The following IFTAP variants were observed in gnomAD, a reference collection of about 807,000 sequenced individuals.
IFTAP encodes the protein intraflagellar transport-associated protein.
Under a neutral mutation model 19.4 loss-of-function variants are expected in IFTAP, and 19 were observed. The observed-to-expected ratio is 0.98, with a 90% CI of 0.68 to 1.44. The LOEUF (loss-of-function observed/expected upper bound fraction) is 1.44. Ranked by LOEUF, IFTAP falls within the 40% of genes most tolerant of loss-of-function variation. IFTAP has a pLI of 0.00. For missense variants in IFTAP, 240 were observed against 253.6 expected, an observed-to-expected ratio of 0.95 and a Z score of 0.36; for synonymous variants, 85 against 83.5, an observed-to-expected ratio of 1.02 and a Z score of -0.10.
intron 4 of IFTAP, 106 bp from the exon 5 acceptor site, chr11:36,647,910 A>G: frequency 7.5e-7 from 1 of 1,327,270 alleles, no homozygotes; most frequent in Non-Finnish European, 1.0e-6. Context: ...GATCTACATT[A>G]CATGAGCATA....
intron 5 of IFTAP, among the ~76,000 whole-genome samples, chr11:36,650,833 G>T (rs1853692160): frequency 6.6e-6 from 1 of 151,866 alleles, no homozygotes; most frequent in South Asian, 2.1e-4. Flanking sequence ...GCGATAGTTT[G>T]CTGAGAATGA....
intron 2 of IFTAP, among the ~76,000 whole-genome samples, chr11:36,621,069 A>G (rs879638096): frequency 2.6e-5 from 4 of 151,966 alleles, no homozygotes; most frequent in Admixed American, 6.6e-5. Context: ...AAACAATATT[A>G]AGTGGGTGCA....
chr11:36,609,352 A>G (rs1200234153), intron 1 of IFTAP, among the ~76,000 whole-genome samples: 1 of 152,240 alleles, frequency 6.6e-6, no homozygotes, highest in Non-Finnish European at 1.5e-5. Flanking sequence ...TTTTCAGTAC[A>G]ACCTCAGGGG....
chr11:36,601,046 T>C (rs1228709733), intron 1 of IFTAP, among the ~76,000 whole-genome samples: 1 of 152,168 alleles, frequency 6.6e-6, no homozygotes, highest in African/African-American at 2.4e-5. Context: ...CTCATGACAG[T>C]GCATTTCAAG....
At chr11:36,636,253 A>C (rs1852947256) in intron 4 of IFTAP, 136 bp downstream of exon 4, 8 of 654,850 alleles carry the variant, frequency 1.2e-5, no homozygotes, top group Non-Finnish European at 7.8e-6. Context: ...GTTGTGAGCT[A>C]TTTTTTTCAG....
intron 5 of IFTAP, among the ~76,000 whole-genome samples, chr11:36,656,816 T>A (rs1368349749): frequency 6.6e-6 from 1 of 151,958 alleles, no homozygotes; most frequent in Non-Finnish European, 1.5e-5. Flanking sequence ...GAGGTGGGGA[T>A]TGAGGTTATT....
chr11:36,622,768 G>A (rs1852351775), intron 2 of IFTAP, among the ~76,000 whole-genome samples: 1 of 152,120 alleles, frequency 6.6e-6, no homozygotes, highest in African/African-American at 2.4e-5. Context: ...AAACATCAAG[G>A]TTAAATATGA....
intron 2 of IFTAP, 41 bp downstream of exon 2, chr11:36,610,280 A>C: frequency 1.3e-6 from 2 of 1,529,280 alleles, no homozygotes; most frequent in Non-Finnish European, 1.8e-6. Flanking sequence ...ATGGAGATAA[A>C]TAATTTTATT....
intron 1 of IFTAP, among the ~76,000 whole-genome samples, chr11:36,599,550 T>C (rs1224726644): frequency 6.6e-6 from 1 of 152,222 alleles, no homozygotes; most frequent in Non-Finnish European, 1.5e-5. Context: ...TAGTAAATCT[T>C]ACCTAATGAT....
intron 2 of IFTAP, among the ~76,000 whole-genome samples, chr11:36,618,041 G>T (rs12420954): frequency 0.15 from 23,428 of 151,828 alleles, 2,611 homozygotes; most frequent in African/African-American, 0.31. Context: ...GAGTTCTTTC[G>T]TACATTTTAA....
At chr11:36,636,370 T>A (rs192473010) in intron 4 of IFTAP, among the ~76,000 whole-genome samples, 1 of 152,330 alleles carries the variant, frequency 6.6e-6, no homozygotes, top group African/African-American at 2.4e-5. Flanking sequence ...ATCACAGGAT[T>A]GATTCTTAGG....
intron 5 of IFTAP, among the ~76,000 whole-genome samples, chr11:36,649,849 G>A (rs907075262): frequency 6.6e-6 from 1 of 152,034 alleles, no homozygotes; most frequent in South Asian, 2.1e-4. Context: ...ATTTTTTAGA[G>A]TAACTTTTCA....
intron 4 of IFTAP, among the ~76,000 whole-genome samples, chr11:36,638,404 T>C (rs1413871210): frequency 6.6e-6 from 1 of 152,200 alleles, no homozygotes; most frequent in African/African-American, 2.4e-5. Context: ...GAACCAAGAC[T>C]TGAATGAACT....
At chr11:36,650,341 T>C (rs1337857331) in intron 5 of IFTAP, among the ~76,000 whole-genome samples, 1 of 152,090 alleles carries the variant, frequency 6.6e-6, no homozygotes, top group African/African-American at 2.4e-5. Context: ...CTGATATGAA[T>C]TGGACCAACT....
chr11:36,657,200 G>A (rs1854027343), intron 5 of IFTAP, among the ~76,000 whole-genome samples: 1 of 152,164 alleles, frequency 6.6e-6, no homozygotes, highest in Non-Finnish European at 1.5e-5. Context: ...AGATGGTGTT[G>A]TAGCCAAGCC....
Position 36,656,930 on chromosome 11 carries a change from G to C in IFTAP, c.499-2089G>C, listed in dbSNP as rs144008465. ...AAATTGTATTCTAACCCCTAAGTGA[G>C]AGGTGGGTGAAGACAAAGTGACTGC... On this transcript the variant is annotated intron_variant, in intron 5 of 5. Transcript: ENST00000334307. Among the ~76,000 whole-genome samples the C allele has an allele frequency of 1.4e-3, 207 of 152,256 alleles. 3 individuals are homozygous for C. The East Asian group carries it at 0.039, about 28-fold the overall frequency.
At chr11:36,635,445 G>T (rs556505578) in intron 3 of IFTAP, among the ~76,000 whole-genome samples, 2 of 152,294 alleles carry the variant, frequency 1.3e-5, no homozygotes, top group East Asian at 3.9e-4. Context: ...CTGCTATTGT[G>T]TCTGTAAAGG....
intron 2 of IFTAP, among the ~76,000 whole-genome samples, chr11:36,630,973 T>C (rs1852703441): frequency 6.6e-6 from 1 of 151,374 alleles, no homozygotes; most frequent in Non-Finnish European, 1.5e-5. Flanking sequence ...TCTACTCTGC[T>C]ACCAATGCTG....
At chr11:36,620,540 T>C (rs1210051382) in intron 2 of IFTAP, among the ~76,000 whole-genome samples, 1 of 152,054 alleles carries the variant, frequency 6.6e-6, no homozygotes, top group East Asian at 1.9e-4. Context: ...TTGTTTTAGA[T>C]ATATTAGCAT....
Sources: allele counts gnomAD v4.1 joint callset (sites outside exome capture counted in the v4.1 genomes callset), GRCh38; gene constraint gnomAD v4.1.1; transcripts MANE v1.5; gene names NCBI Gene and HGNC (gene_info 2026-07-23, HGNC 2026-07-21).